KCNQ1: variants seen among roughly 807,000 people sequenced by gnomAD.
The protein encoded by KCNQ1 is potassium voltage-gated channel subfamily KQT member 1.
A neutral mutation model predicts 72.4 loss-of-function variants in KCNQ1; 49 were observed. The ratio of observed to expected loss-of-function variants is 0.68; its 90% CI spans 0.54 to 0.86. The LOEUF (loss-of-function observed/expected upper bound fraction) is 0.86. Ranked by LOEUF, KCNQ1 falls within the 40% of genes least tolerant of loss-of-function variation. The probability of loss-of-function intolerance (pLI) is 0.00; values close to 1 mark genes in which losing one functional copy is unlikely to be tolerated. For synonymous variants in KCNQ1, 450 were observed against 412.6 expected (o/e 1.09, Z -1.10); for missense variants, 790 against 945.1 (o/e 0.84, Z 2.15).
Position 2,533,174 on chromosome 11 carries a change from T to C in KCNQ1, c.477+5156T>C, listed in dbSNP as rs192416925. 2.8e-3 allele frequency among the ~76,000 whole-genome samples: 431 copies of C among 152,338 alleles called. 2 individuals are homozygous for C. Among genetic ancestry groups the C allele is most frequent in the African/African-American group, 1.0e-2 (415 of 41,580 alleles). ...GGGAGCCCCTGTTTTCTCGTTTCTTTTCGTACGCCCAGCTTTGCAGTGCCA... is the reference window on the plus strand; with the variant it reads ...GGGAGCCCCTGTTTTCTCGTTTCTTCTCGTACGCCCAGCTTTGCAGTGCCA... On this transcript the variant is annotated intron_variant, in intron 2 of 15. Transcript: ENST00000155840.
intron 10 of KCNQ1, among the ~76,000 whole-genome samples, chr11:2,605,999 C>G (rs1848872633): frequency 6.6e-6 from 1 of 152,150 alleles, no homozygotes; most frequent in Non-Finnish European, 1.5e-5. Context: ...ACTTGTTAAA[C>G]TTATTCCCAA....
At position 2,848,759 on chromosome 11, in the gene KCNQ1, G is replaced by A. The variant is rs573995364; in HGVS notation, c.*756G>A. 71 of 453,972 alleles carry A rather than the reference G, an allele frequency of 1.6e-4. 2 individuals are homozygous for A. Among genetic ancestry groups the A allele is most frequent in the South Asian group, 9.0e-4 (58 of 64,462 alleles). The allele number at this position is 453,972 out of a possible 1,614,324, so 28.1% of individuals were successfully genotyped here. ...GTGGGGCTCCCGCCTCCAACCCCTC[G>A]CCCAGTCCCAGCAGCCAGCCAAACA... On this transcript the variant is annotated 3_prime_UTR_variant, in exon 16 of 16. Coordinates refer to ENST00000155840, the MANE Select transcript of KCNQ1 (RefSeq NM_000218.3).
chr11:2,664,605 C>T lies in KCNQ1; in HGVS notation c.1514+2524C>T. On this transcript the variant is annotated intron_variant, in intron 11 of 15. Transcript: ENST00000155840. The surrounding 1 kb of genome is among the most constrained non-coding windows in gnomAD (Gnocchi z 5.1). ...GGGCTGCATTCCTCCACCTCCTGCA[C>T]AGCCCGCCCAGTGATGCCCATAATT... is the stretch of plus-strand genomic sequence containing the variant. 5.0e-6 allele frequency: 2 copies of T among 398,704 alleles called. No individual in the cohort carries two copies. The highest frequency in any genetic ancestry group is 3.6e-5 in the East Asian group (1 of 28,050). 24.7% of individuals were successfully genotyped at this position (398,704 alleles called of 1,614,324 possible).
At position 2,651,716 on chromosome 11, in the gene KCNQ1, A is replaced by G; in HGVS notation, c.1394-10245A>G. 1 of 398,572 alleles carries G rather than the reference A, an allele frequency of 2.5e-6. No individual in the cohort carries two copies. The highest frequency in any genetic ancestry group is 3.6e-5 in the East Asian group (1 of 28,076). 24.7% of individuals were successfully genotyped at this position (398,572 alleles called of 1,614,324 possible). A position where few individuals can be genotyped will look rare whatever the true frequency, so the allele number is the denominator to read the frequency against. ...GTAATAGGCCATTTCCTAAGTAAGC[A>G]TCATCCTCATTTCTATACGTTTTCT... On this transcript the variant is annotated intron_variant, in intron 10 of 15. Transcript: ENST00000155840. This position sits in a 1 kb window ranked among gnomAD's most constrained non-coding sequence, Gnocchi z 6.1.
At chr11:2,628,924 T>C (rs753147962) in intron 10 of KCNQ1, 3 of 398,346 alleles carry the variant, frequency 7.5e-6, no homozygotes, top group Non-Finnish European at 1.3e-5. Context: ...TAGTTGACCA[T>C]AAATGTGTGG....
chr11:2,661,375 A>T lies in KCNQ1; in HGVS notation c.1394-586A>T, dbSNP rs1289278936. 1 of 407,988 alleles carries T rather than the reference A, an allele frequency of 2.5e-6. No homozygotes were observed. Among genetic ancestry groups the T allele is most frequent in the Non-Finnish European group, 4.3e-6 (1 of 231,118 alleles). The allele number at this position is 407,988 out of a possible 1,614,324, so 25.3% of individuals were successfully genotyped here. A position where few individuals can be genotyped will look rare whatever the true frequency, so the allele number is the denominator to read the frequency against. ...AGTTGCAGAGGTGGGCCCAGGAATC[A>T]TAATGTGAAGCCAGCTGTTGGAGGG... On this transcript the variant is annotated intron_variant, in intron 10 of 15. Coordinates refer to ENST00000155840, the MANE Select transcript of KCNQ1 (RefSeq NM_000218.3). The surrounding 1 kb of genome is among the most constrained non-coding windows in gnomAD (Gnocchi z 5.9).
chr11:2,582,507 G>A (rs942326946), intron 6 of KCNQ1, among the ~76,000 whole-genome samples: 44 of 152,344 alleles, frequency 2.9e-4, no homozygotes, highest in African/African-American at 1.0e-3. Context: ...AGCGGTGGCC[G>A]TCACTTGACC....
chr11:2,825,852 G>A (rs1035623179), intron 15 of KCNQ1, among the ~76,000 whole-genome samples: 1 of 152,182 alleles, frequency 6.6e-6, no homozygotes, highest in Admixed American at 6.5e-5. Context: ...GGAGTAAAGA[G>A]AGAGGCAGGG....
intron 2 of KCNQ1, among the ~76,000 whole-genome samples, chr11:2,534,192 G>T (rs559400684): frequency 6.6e-6 from 1 of 152,188 alleles, no homozygotes; most frequent in Non-Finnish European, 1.5e-5. Flanking sequence ...GGCCCTGGGC[G>T]GCCCTCTCTG....
chr11:2,653,467 C>G lies in KCNQ1; in HGVS notation c.1394-8494C>G. The G allele has an allele frequency of 5.0e-6, 2 of 397,654 alleles. No homozygotes were observed. The highest frequency in any genetic ancestry group is 8.9e-6 in the Non-Finnish European group (2 of 225,954). 24.6% of individuals were successfully genotyped at this position (397,654 alleles called of 1,614,324 possible). A position where few individuals can be genotyped will look rare whatever the true frequency, so the allele number is the denominator to read the frequency against. On this transcript the variant is annotated intron_variant, in intron 10 of 15. Transcript: ENST00000155840. The surrounding 1 kb of genome is among the most constrained non-coding windows in gnomAD (Gnocchi z 5.3). The stretch of plus-strand genomic sequence containing the variant: ...ACATTTTTTGGCTCACACAGCTGGA[C>G]CCAGCTGTTTCAGACACAGCTGGAC...
intron 11 of KCNQ1, among the ~76,000 whole-genome samples, chr11:2,741,960 C>A (rs1412649885): frequency 6.6e-6 from 1 of 152,256 alleles, no homozygotes; most frequent in Non-Finnish European, 1.5e-5. Flanking sequence ...TATCCCCCTG[C>A]CCCAGGGCGG....
At position 2,698,125 on chromosome 11, in the gene KCNQ1, G is replaced by C; in HGVS notation, c.1514+36044G>C. ...TGTATCAGGCTCTTGGCTGGGTACA[G>C]AGCAGGCAGCAGAAAACAAAACAGA... On this transcript the variant is annotated intron_variant, in intron 11 of 15. Transcript: ENST00000155840. This position sits in a 1 kb window ranked among gnomAD's most constrained non-coding sequence, Gnocchi z 5.1. 1 of 398,664 alleles carries C rather than the reference G, an allele frequency of 2.5e-6. No homozygotes were observed. The highest frequency in any genetic ancestry group is 4.4e-6 in the Non-Finnish European group (1 of 226,072). 24.7% of individuals were successfully genotyped at this position (398,664 alleles called of 1,614,324 possible).
intron 10 of KCNQ1, chr11:2,631,881 T>A (rs1010231470): frequency 2.5e-5 from 10 of 398,108 alleles, no homozygotes; most frequent in African/African-American, 2.1e-4. Flanking sequence ...TTGTGATTAA[T>A]GTATAGAAAT....
intron 15 of KCNQ1, among the ~76,000 whole-genome samples, chr11:2,812,798 A>G (rs959354185): frequency 7.9e-5 from 12 of 152,048 alleles, no homozygotes; most frequent in Non-Finnish European, 1.6e-4. Context: ...CCCTTGCAAC[A>G]TCCCCTTCCT....
In KCNQ1 at chr11:2,588,523, C is replaced by A. The variant is rs1027762941; in HGVS notation, c.1252-190C>A. Among the ~76,000 whole-genome samples, 2 of 152,218 alleles carry A rather than the reference C, an allele frequency of 1.3e-5. No homozygotes were observed. Among genetic ancestry groups the A allele is most frequent in the African/African-American group, 4.8e-5 (2 of 41,458 alleles). Reference sequence around the variant, plus strand: ...AGGGCAGCACCTGGGCCAAGCCCCCCACGTGACCCCCAGCAGCCCTGCCCT... The same window carrying A: ...AGGGCAGCACCTGGGCCAAGCCCCCAACGTGACCCCCAGCAGCCCTGCCCT... On this transcript the variant is annotated intron_variant, in intron 9 of 15. Transcript: ENST00000155840. This position sits in a 1 kb window ranked among gnomAD's most constrained non-coding sequence, Gnocchi z 5.6.
At position 2,725,529 on chromosome 11, in the gene KCNQ1, G is replaced by A. The variant is rs1845744313; in HGVS notation, c.1515-43315G>A. Among the ~76,000 whole-genome samples, 1 of 152,198 alleles carries A rather than the reference G, an allele frequency of 6.6e-6. No individual in the cohort carries two copies. The highest frequency in any genetic ancestry group is 2.4e-5 in the African/African-American group (1 of 41,456). On this transcript the variant is annotated intron_variant, in intron 11 of 15. Coordinates refer to ENST00000155840, the MANE Select transcript of KCNQ1 (RefSeq NM_000218.3). This position sits in a 1 kb window ranked among gnomAD's most constrained non-coding sequence, Gnocchi z 7.2. ...TATAGAACCTCTGCGTTTAGCTGTGGTTTAGGAAGTGCATTCACGTGAAGT... is the reference window on the plus strand; with the variant it reads ...TATAGAACCTCTGCGTTTAGCTGTGATTTAGGAAGTGCATTCACGTGAAGT...
chr11:2,796,846 G>A (rs1847144459), intron 15 of KCNQ1, among the ~76,000 whole-genome samples: 1 of 152,212 alleles, frequency 6.6e-6, no homozygotes. Flanking sequence ...AGATGTGGCG[G>A]TGAGAAAACG....
At chr11:2,709,891 G>A (rs1850976954) in intron 11 of KCNQ1, among the ~76,000 whole-genome samples, 1 of 152,088 alleles carries the variant, frequency 6.6e-6, no homozygotes. Flanking sequence ...TTCATTCATT[G>A]AACACTTGGG....
At chr11:2,778,997 G>A (rs1271598493) in intron 15 of KCNQ1, among the ~76,000 whole-genome samples, 2 of 152,210 alleles carry the variant, frequency 1.3e-5, no homozygotes, top group East Asian at 3.9e-4. Flanking sequence ...GCGGCCGTGG[G>A]GCCCTGAGAC....
Sources: gnomAD v4.1 joint callset for allele counts (sites outside exome capture counted in the v4.1 genomes callset) on GRCh38, gnomAD v4.1.1 for gene constraint, Gnocchi (gnomAD v3.1) non-coding constraint, MANE v1.5 for transcripts, NCBI Gene and HGNC (gene_info 2026-07-23, HGNC 2026-07-21) for gene names.